The following MDGA2 variants were observed in gnomAD, a reference collection of about 807,000 sequenced individuals.
MDGA2 encodes MAM domain containing glycosylphosphatidylinositol anchor 2, also known as MAM domain-containing glycosylphosphatidylinositol anchor protein 2.
In MDGA2, 40 loss-of-function variants were observed where a neutral mutation model predicts 117.8. The observed-to-expected ratio is 0.34, with a 90% CI of 0.26 to 0.44. MDGA2 has a LOEUF of 0.44. Ranked by LOEUF, MDGA2 falls within the 20% of genes least tolerant of loss-of-function variation. The pLI is 1.00. For synonymous variants in MDGA2, 452 were observed against 439.0 expected, an observed-to-expected ratio of 1.03 and a Z score of -0.37; for missense variants, 1,123 against 1,250.6, an observed-to-expected ratio of 0.90 and a Z score of 1.54.
chr14:47,628,250 T>C lies in MDGA2; in HGVS notation c.280+46267A>G, dbSNP rs551594788. Among the ~76,000 whole-genome samples the C allele has an allele frequency of 2.7e-4, 41 of 152,302 alleles. 1 individual carries two copies. Among genetic ancestry groups the C allele is most frequent in the African/African-American group, 9.1e-4 (38 of 41,566 alleles). ...ATGCAAATTGCTCTTGCATGGCATA[T>C]TTTGCTTTTCTTTCATAGCTCCTAT... On this transcript the variant is annotated intron_variant, in intron 1 of 16. Transcript: ENST00000399232.
At chr14:47,511,774 T>A (rs1348518372) in intron 1 of MDGA2, among the ~76,000 whole-genome samples, 1 of 152,098 alleles carries the variant, frequency 6.6e-6, no homozygotes, top group Admixed American at 6.6e-5. Context: ...ACTAGAAATA[T>A]CAATGCAACT....
intron 1 of MDGA2, among the ~76,000 whole-genome samples, chr14:47,331,249 C>A (rs1890285492): frequency 6.6e-6 from 1 of 151,700 alleles, no homozygotes; most frequent in Non-Finnish European, 1.5e-5. Flanking sequence ...ACTTTTATGA[C>A]AAAATACTTT....
intron 1 of MDGA2, among the ~76,000 whole-genome samples, chr14:47,603,356 T>C (rs1459201135): frequency 1.3e-5 from 2 of 152,200 alleles, no homozygotes; most frequent in Non-Finnish European, 2.9e-5. Flanking sequence ...CACATAATGA[T>C]GTATCAGTCC....
intron 1 of MDGA2, among the ~76,000 whole-genome samples, chr14:47,590,670 T>A (rs1017133504): frequency 2.0e-5 from 3 of 151,998 alleles, no homozygotes; most frequent in African/African-American, 7.2e-5. Context: ...AATTGGATTG[T>A]TTGTAACAAA....
rs1309671953 is a variant in MDGA2 at position 47,097,133 on chromosome 14, A to C, written c.926-10T>G. On this transcript the variant is annotated splice_polypyrimidine_tract_variant and intron_variant, in intron 5 of 16. Coordinates refer to ENST00000399232, the MANE Select transcript of MDGA2 (RefSeq NM_001113498.3). ...TTAATTGACGGTGATGCTAAAAGAC[A>C]TAAACAGAAGAACGTGCACCTATTT... 1 of 1,609,382 alleles carries C rather than the reference A, an allele frequency of 6.2e-7. No individual in the cohort carries two copies.
intron 3 of MDGA2, among the ~76,000 whole-genome samples, chr14:47,176,692 A>G (rs1594697680): frequency 1.3e-5 from 2 of 152,228 alleles, no homozygotes; most frequent in Admixed American, 1.3e-4. Context: ...TAAAACCATA[A>G]AAACCCTAGA....
rs1264742216 is a variant in MDGA2, at chr14:47,674,666, C to A, written c.131G>T (p.Arg44Leu). 1 of 1,375,792 alleles carries A rather than the reference C, an allele frequency of 7.3e-7. No homozygotes were observed. The highest frequency in any genetic ancestry group is 1.0e-6 in the Non-Finnish European group (1 of 987,696). The allele number at this position is 1,375,792 out of a possible 1,614,324, so 85.2% of individuals were successfully genotyped here. A position where few individuals can be genotyped will look rare whatever the true frequency, so the allele number is the denominator to read the frequency against. ...HLGLARARVE[R>L]AWLAAGLLKV... The stretch of plus-strand genomic sequence containing the variant: ...CAGGAGGCCGGCGGCCAGCCAGGCG[C>A]GCTCCACTCGCGCCCGGGCCAAGCC... The change falls in exon 1 of 17, where the codon CGC (arginine) becomes CTC (leucine). Residue 44 changes from arginine (R) to leucine (L), a missense_variant. Coordinates refer to ENST00000399232, the MANE Select transcript of MDGA2 (RefSeq NM_001113498.3).
intron 9 of MDGA2, among the ~76,000 whole-genome samples, chr14:46,923,337 G>T (rs554978024): frequency 6.6e-6 from 1 of 152,026 alleles, no homozygotes; most frequent in Admixed American, 6.6e-5. Context: ...AAATACTTTA[G>T]AGATTATTTC....
intron 1 of MDGA2, among the ~76,000 whole-genome samples, chr14:47,401,095 G>T (rs1279254521): frequency 6.6e-6 from 1 of 151,166 alleles, no homozygotes; most frequent in Non-Finnish European, 1.5e-5. Flanking sequence ...TACTGTTCTG[G>T]GTGCTTCATT....
rs533604034 is a variant in MDGA2, at chr14:47,150,730, C to G, written c.596-6456G>C. Among the ~76,000 whole-genome samples the G allele has an allele frequency of 1.7e-3, 257 of 152,102 alleles. 8 individuals are homozygous for G. In the South Asian group the frequency reaches 0.05, roughly 29 times the overall value. On this transcript the variant is annotated intron_variant, in intron 3 of 16. Transcript: ENST00000399232. ...CCTGAAGTAGGAAATTAAAGACCAG[C>G]CTGGCCAACATGGTGAAACCTTGTC... is the stretch of plus-strand genomic sequence containing the variant.
chr14:47,200,590 G>A, intron 3 of MDGA2: 7 of 1,114,242 alleles, frequency 6.3e-6, no homozygotes, highest in Middle Eastern at 2.9e-4. Context: ...CCAGGAGTCC[G>A]TGAGTCTTGA....
In MDGA2 at chr14:47,674,675, C is replaced by A. The variant is rs1430662046; in HGVS notation, c.122G>T (p.Arg41Leu). 2 of 1,303,930 alleles carry A rather than the reference C, an allele frequency of 1.5e-6. No homozygotes were observed. Among genetic ancestry groups the A allele is most frequent in the Non-Finnish European group, 2.2e-6 (2 of 922,384 alleles). The allele number at this position is 1,303,930 out of a possible 1,614,324, so 80.8% of individuals were successfully genotyped here. ...VPGHLGLARA[R>L]VERAWLAAGL... Reference sequence around the variant, plus strand: ...GGCGGCCAGCCAGGCGCGCTCCACTCGCGCCCGGGCCAAGCCGAGGTGCCC... The same window carrying A: ...GGCGGCCAGCCAGGCGCGCTCCACTAGCGCCCGGGCCAAGCCGAGGTGCCC... The change falls in exon 1 of 17, where the codon CGA becomes CTA. Residue 41 changes from arginine to leucine, a missense_variant. Physicochemically the swap from Arg to Leu is moderately radical, Grantham distance 102. Around this residue, in one of 2 missense-constraint regions of MDGA2, gnomAD observed 233 missense variants for 200.3 expected, o/e 1.16. Coordinates refer to ENST00000399232, the MANE Select transcript of MDGA2 (RefSeq NM_001113498.3).
At position 47,624,982 on chromosome 14, in the gene MDGA2, A is replaced by G. The variant is rs575107115; in HGVS notation, c.280+49535T>C. 2.0e-4 allele frequency among the ~76,000 whole-genome samples: 31 copies of G among 152,340 alleles called. No homozygotes were observed. In the South Asian group the frequency reaches 5.6e-3, roughly 27 times the overall value. ...GACTTGGTTCTACTATTCACTTGAC[A>G]TCTAAATTTTAAAAAAATCACTGAA... is the stretch of plus-strand genomic sequence containing the variant. On this transcript the variant is annotated intron_variant, in intron 1 of 16. Coordinates refer to ENST00000399232, the MANE Select transcript of MDGA2 (RefSeq NM_001113498.3).
rs544127026 is a variant in MDGA2 at position 47,674,569 on chromosome 14, G to A, written c.228C>T (p.Leu76=). Residue 76 remains leucine (L), a synonymous_variant, in exon 1 of 17, where the codon CTC becomes CTT. Transcript: ENST00000399232. ...CCAGGAGGACTGTCAGCAGCCACAC[G>A]AGACCGTACAGTAAATCCATCTTCA... ...VHVKMDLLYG[L]VWLLTVLLEG... is the part of the protein sequence containing the mutation. 1 of 1,551,532 alleles carries A rather than the reference G, an allele frequency of 6.4e-7. No homozygotes were observed. The highest frequency in any genetic ancestry group is 1.2e-5 in the South Asian group (1 of 83,930).
intron 1 of MDGA2, among the ~76,000 whole-genome samples, chr14:47,329,530 C>A (rs555307639): frequency 6.6e-6 from 1 of 151,998 alleles, no homozygotes; most frequent in East Asian, 1.9e-4. Context: ...ATGAGCATAT[C>A]GCTTTTCTGT....
intron 14 of MDGA2, 114 bp downstream of exon 14, chr14:46,873,319 A>C (rs1882090616): frequency 2.4e-5 from 22 of 909,204 alleles, no homozygotes; most frequent in Non-Finnish European, 3.2e-5. Context: ...ATCATTTAAA[A>C]AGTGAATTAT....
At chr14:46,916,309 C>T (rs1461681797) in intron 10 of MDGA2, among the ~76,000 whole-genome samples, 6 of 152,076 alleles carry the variant, frequency 3.9e-5, no homozygotes, top group South Asian at 2.1e-4. Flanking sequence ...CCATGAGAAA[C>T]GTACAGAGAC....
intron 4 of MDGA2, among the ~76,000 whole-genome samples, chr14:47,140,246 T>C (rs528200824): frequency 1.3e-5 from 2 of 152,200 alleles, no homozygotes; most frequent in South Asian, 4.1e-4. Context: ...ATTGTTAAAA[T>C]GTCTGTGCTA....
At chr14:47,208,336 T>C (rs1885760228) in intron 3 of MDGA2, among the ~76,000 whole-genome samples, 1 of 152,046 alleles carries the variant, frequency 6.6e-6, no homozygotes, top group African/African-American at 2.4e-5. Flanking sequence ...AGAGAAAGTA[T>C]GGCCTCAAGT....
Sources: allele counts gnomAD v4.1 joint callset (sites outside exome capture counted in the v4.1 genomes callset), GRCh38; gene constraint gnomAD v4.1.1; regional missense constraint gnomAD v4.1.1; transcripts MANE v1.5; gene names NCBI Gene and HGNC (gene_info 2026-07-23, HGNC 2026-07-21).